Variants in THSD7A observed in about 807,000 individuals in gnomAD.
THSD7A encodes thrombospondin type-1 domain-containing protein 7A.
THSD7A carries 96 observed loss-of-function variants against 231.3 expected under a neutral mutation model. That is an observed-to-expected ratio of 0.41 (90% CI 0.35 to 0.49). The LOEUF (loss-of-function observed/expected upper bound fraction) is 0.49, where lower values mean the gene tolerates loss of function less well. THSD7A is among the 20% of genes least tolerant of loss of function. The pLI is 0.05. For missense variants in THSD7A, 2,290 were observed against 2,070.2 expected, an observed-to-expected ratio of 1.11 and a Z score of -2.06; for synonymous variants, 940 against 743.3, an observed-to-expected ratio of 1.26 and a Z score of -4.30.
intron 15 of THSD7A, 67 bp downstream of exon 15, chr7:11,426,599 C>T: frequency 2.1e-6 from 3 of 1,449,302 alleles, no homozygotes; most frequent in Admixed American, 2.3e-5. Flanking sequence ...GAAATGTATT[C>T]TCAGAAATCA....
intron 1 of THSD7A, among the ~76,000 whole-genome samples, chr7:11,798,581 G>A (rs910316588): frequency 5.9e-5 from 9 of 151,786 alleles, no homozygotes; most frequent in African/African-American, 2.2e-4. Flanking sequence ...GAGGACACCT[G>A]TGTCACTATT....
At chr7:11,615,558 T>C (rs1281824313) in intron 2 of THSD7A, among the ~76,000 whole-genome samples, 1 of 152,244 alleles carries the variant, frequency 6.6e-6, no homozygotes, top group Non-Finnish European at 1.5e-5. Flanking sequence ...AGTTTTCTAA[T>C]GAATTCACCT....
chr7:11,552,759 G>A (rs1050055264), intron 4 of THSD7A, among the ~76,000 whole-genome samples: 10 of 152,022 alleles, frequency 6.6e-5, no homozygotes, highest in African/African-American at 2.4e-4. Context: ...GTACAGTAAG[G>A]AACAGACAAG....
rs1450374701 is a variant in THSD7A at position 11,579,714 on chromosome 7, T to TG, written c.1453+10745dup. Among the ~76,000 whole-genome samples, 3 of 152,122 alleles carry TG rather than the reference T, an allele frequency of 2.0e-5. No individual in the cohort carries two copies. The East Asian group carries it at 5.8e-4, about 29-fold the overall frequency. On this transcript the variant is annotated intron_variant, in intron 4 of 27. Coordinates refer to ENST00000423059, the MANE Select transcript of THSD7A (RefSeq NM_015204.3). ...GATTTAGAGCTCAGGGATCTAAAACTGGGGGGTCAAAGAATGTAGAAAAGA... is the reference window on the plus strand; with the variant it reads ...GATTTAGAGCTCAGGGATCTAAAACTGGGGGGGTCAAAGAATGTAGAAAAGA...
intron 23 of THSD7A, among the ~76,000 whole-genome samples, chr7:11,390,904 G>T (rs1782955183): frequency 1.3e-5 from 2 of 152,310 alleles, no homozygotes; most frequent in East Asian, 1.9e-4. Flanking sequence ...GACCCTATTT[G>T]CCTGGATATC....
At chr7:11,785,781 T>A (rs1210074036) in intron 1 of THSD7A, among the ~76,000 whole-genome samples, 2 of 152,158 alleles carry the variant, frequency 1.3e-5, no homozygotes, top group African/African-American at 2.4e-5. Context: ...ATTGAAAATA[T>A]CCTACCCTCA....
At chr7:11,719,130 A>G (rs1202793635) in intron 1 of THSD7A, among the ~76,000 whole-genome samples, 1 of 151,590 alleles carries the variant, frequency 6.6e-6, no homozygotes, top group Admixed American at 6.6e-5. Flanking sequence ...CATCCCCCAG[A>G]AAAGGTAAGC....
rs886349305 is a variant in THSD7A at position 11,831,731 on chromosome 7, G to T, written c.190+26C>A. Reference sequence around the variant, plus strand: ...AATGTGGCCCCAGATGTGAAGATGGGGAAAGGGTAACTCCGTCCCACTTAC... The same window carrying T: ...AATGTGGCCCCAGATGTGAAGATGGTGAAAGGGTAACTCCGTCCCACTTAC... On this transcript the variant is annotated intron_variant, in intron 1 of 27. Coordinates refer to ENST00000423059, the MANE Select transcript of THSD7A (RefSeq NM_015204.3). This position sits in a 1 kb window ranked among gnomAD's most constrained non-coding sequence, Gnocchi z 5.0. The T allele has an allele frequency of 1.2e-5, 16 of 1,385,300 alleles. No individual in the cohort carries two copies. The highest frequency in any genetic ancestry group is 1.5e-5 in the African/African-American group (1 of 67,176). 85.8% of individuals were successfully genotyped at this position (1,385,300 alleles called of 1,614,324 possible). A position where few individuals can be genotyped will look rare whatever the true frequency, so the allele number is the denominator to read the frequency against.
At chr7:11,662,274 G>GA (rs1782955356) in intron 1 of THSD7A, among the ~76,000 whole-genome samples, 1 of 150,956 alleles carries the variant, frequency 6.6e-6, no homozygotes, top group African/African-American at 2.4e-5. Context: ...TATATTTTAA[G>GA]AAAAAAGCAT....
At chr7:11,401,506 C>T (rs1273906857) in intron 23 of THSD7A, among the ~76,000 whole-genome samples, 2 of 152,204 alleles carry the variant, frequency 1.3e-5, no homozygotes, top group African/African-American at 4.8e-5. Context: ...AGTCTCTGGC[C>T]TCCCGGGATC....
chr7:11,693,261 T>C (rs1485062825), intron 1 of THSD7A, among the ~76,000 whole-genome samples: 1 of 151,568 alleles, frequency 6.6e-6, no homozygotes, highest in Non-Finnish European at 1.5e-5. Flanking sequence ...CTGTGAAATG[T>C]TGTCATCTTC....
intron 1 of THSD7A, among the ~76,000 whole-genome samples, chr7:11,731,801 T>C (rs10272224): frequency 0.55 from 83,070 of 151,394 alleles, 23,400 homozygotes; most frequent in Non-Finnish European, 0.61. Context: ...AACAGAGAAA[T>C]CTTGTTGATA....
intron 1 of THSD7A, among the ~76,000 whole-genome samples, chr7:11,780,732 A>T (rs1209356524): frequency 6.6e-6 from 1 of 152,184 alleles, no homozygotes; most frequent in African/African-American, 2.4e-5. Flanking sequence ...GTTTTAAGCC[A>T]CTGAGTTTAG....
chr7:11,562,409 T>C (rs1790113426), intron 4 of THSD7A, among the ~76,000 whole-genome samples: 1 of 152,184 alleles, frequency 6.6e-6, no homozygotes, highest in African/African-American at 2.4e-5. Context: ...AAAAATGCAA[T>C]AAATTTAATA....
chr7:11,807,977 C>A (rs1019174502), intron 1 of THSD7A, among the ~76,000 whole-genome samples: 7 of 152,178 alleles, frequency 4.6e-5, no homozygotes, highest in Admixed American at 2.0e-4. Context: ...GAAACTCACT[C>A]CCGTACCTGT....
In THSD7A at chr7:11,382,572, C is replaced by A; in HGVS notation, c.4456G>T (p.Gly1486Cys). The change falls in exon 24 of 28, where the codon GGC (glycine) becomes TGC (cysteine). Residue 1486 changes from glycine to cysteine, a missense_variant. Transcript: ENST00000423059. ...TGACACCACACTGTTCGGGAAGAGC[C>A]CTTCCAAGCACTGGCCATCCATTTA... ...EYKWMASAWK[G>C]SSRTVWCQRS... is the part of the protein sequence containing the mutation. 1 of 1,612,920 alleles carries A rather than the reference C, an allele frequency of 6.2e-7. No homozygotes were observed. The highest frequency in any genetic ancestry group is 8.5e-7 in the Non-Finnish European group (1 of 1,179,268).
intron 6 of THSD7A, among the ~76,000 whole-genome samples, chr7:11,518,403 A>C (rs1788122358): frequency 6.6e-6 from 1 of 152,176 alleles, no homozygotes; most frequent in Non-Finnish European, 1.5e-5. Flanking sequence ...GAAGGGTAGG[A>C]GAGTGTACTC....
intron 6 of THSD7A, among the ~76,000 whole-genome samples, chr7:11,526,763 G>C (rs1200435436): frequency 1.3e-5 from 2 of 152,082 alleles, no homozygotes; most frequent in East Asian, 3.9e-4. Flanking sequence ...CTTCCACCAT[G>C]ATTGTAAATT....
rs527411861 is a variant in THSD7A at position 11,723,220 on chromosome 7, G to A, written c.191-86259C>T. Among the ~76,000 whole-genome samples, 19 of 150,584 alleles carry A rather than the reference G, an allele frequency of 1.3e-4. 1 individual carries two copies. The South Asian group carries it at 1.7e-3, about 13-fold the overall frequency. On this transcript the variant is annotated intron_variant, in intron 1 of 27. Coordinates refer to ENST00000423059, the MANE Select transcript of THSD7A (RefSeq NM_015204.3). ...AAACCATCATTCTCAGCAAACTATC[G>A]CAAGGACAAAAACCAAACACCGCAT... is the stretch of plus-strand genomic sequence containing the variant.
Sources: gnomAD v4.1 joint callset for allele counts (sites outside exome capture counted in the v4.1 genomes callset) on GRCh38, gnomAD v4.1.1 for gene constraint, Gnocchi (gnomAD v3.1) non-coding constraint, MANE v1.5 for transcripts, NCBI Gene and HGNC (gene_info 2026-07-23, HGNC 2026-07-21) for gene names.